Variants in DRD3 observed in about 807,000 individuals in gnomAD.
The protein encoded by DRD3 is dopamine receptor D3.
A neutral mutation model predicts 36.3 loss-of-function variants in DRD3; 19 were observed. The observed-to-expected ratio is 0.52, with a 90% CI of 0.36 to 0.77. DRD3 has a LOEUF of 0.77. Among genes scored for constraint, DRD3 ranks in the 30% least tolerant of loss-of-function variants. The pLI is 0.00. For synonymous variants in DRD3, 195 were observed against 203.7 expected (o/e 0.96, Z 0.36); for missense variants, 465 against 505.3 (o/e 0.92, Z 0.77).
intron 4 of DRD3, among the ~76,000 whole-genome samples, chr3:114,143,655 T>C (rs913038746): frequency 6.6e-6 from 1 of 152,208 alleles, no homozygotes; most frequent in Admixed American, 6.5e-5. Context: ...CTTCTACTAT[T>C]CTCTTAACTT....
chr3:114,129,895 T>C (rs1353716291), intron 6 of DRD3, among the ~76,000 whole-genome samples: 6 of 152,092 alleles, frequency 3.9e-5, no homozygotes, highest in African/African-American at 1.4e-4. Context: ...TTGTCTTTAC[T>C]AAAAATACAA....
intron 4 of DRD3, among the ~76,000 whole-genome samples, chr3:114,146,925 T>C (rs1416298557): frequency 6.6e-6 from 1 of 152,024 alleles, no homozygotes; most frequent in Non-Finnish European, 1.5e-5. Flanking sequence ...AAATATACTC[T>C]CCAGGAATTT....
chr3:114,135,761 C>T (rs2077469489), intron 5 of DRD3, among the ~76,000 whole-genome samples: 1 of 152,048 alleles, frequency 6.6e-6, no homozygotes. Context: ...GAAATCTCTG[C>T]TCACTGCAAC....
chr3:114,172,010 G>T lies in DRD3; in HGVS notation c.-18C>A. 7.0e-7 allele frequency: 1 copy of T among 1,421,788 alleles called. No individual in the cohort carries two copies. The highest frequency in any genetic ancestry group is 3.0e-5 in the Admixed American group (1 of 33,140). 88.1% of individuals were successfully genotyped at this position (1,421,788 alleles called of 1,614,324 possible). On this transcript the variant is annotated 5_prime_UTR_variant, in exon 2 of 7. Coordinates refer to ENST00000383673, the MANE Select transcript of DRD3 (RefSeq NM_000796.6). ...GATGCCATAGCCCAGAGGGAGGTGCGTGATGCCAAGGGGCTTCCTGTGAGG... is the reference window on the plus strand; with the variant it reads ...GATGCCATAGCCCAGAGGGAGGTGCTTGATGCCAAGGGGCTTCCTGTGAGG...
chr3:114,172,039 C>G lies in DRD3; in HGVS notation c.-35-12G>C. The G allele has an allele frequency of 1.5e-6, 2 of 1,377,696 alleles. No homozygotes were observed. The highest frequency in any genetic ancestry group is 1.9e-5 in the South Asian group (1 of 53,682). The allele number at this position is 1,377,696 out of a possible 1,614,324, so 85.3% of individuals were successfully genotyped here. A position where few individuals can be genotyped will look rare whatever the true frequency, so the allele number is the denominator to read the frequency against. ...TGCCAAGGGGCTTCCTGTGAGGAGA[C>G]AGAAAACAATATTAATAAAATCAGA... On this transcript the variant is annotated splice_polypyrimidine_tract_variant and intron_variant, in intron 1 of 6. Coordinates refer to ENST00000383673, the MANE Select transcript of DRD3 (RefSeq NM_000796.6).
At chr3:114,189,229 G>A (rs762559519) in intron 1 of DRD3, among the ~76,000 whole-genome samples, 2 of 152,000 alleles carry the variant, frequency 1.3e-5, no homozygotes, top group African/African-American at 4.8e-5. Context: ...ATTAATATCA[G>A]TGCAATATAT....
intron 4 of DRD3, among the ~76,000 whole-genome samples, chr3:114,146,113 T>C (rs2077567587): frequency 6.6e-6 from 1 of 152,230 alleles, no homozygotes; most frequent in African/African-American, 2.4e-5. Context: ...ATATTTTGAT[T>C]TCTAAATCAT....
At chr3:114,128,947 G>A (rs780764376) in intron 6 of DRD3, 35 bp from the exon 7 acceptor site, 3 of 1,521,992 alleles carry the variant, frequency 2.0e-6, no homozygotes, top group African/African-American at 1.4e-5. Flanking sequence ...CTGGGTAAGG[G>A]ATTTGCTTAC....
intron 1 of DRD3, among the ~76,000 whole-genome samples, chr3:114,194,633 G>A (rs1304895767): frequency 6.6e-6 from 1 of 152,150 alleles, no homozygotes; most frequent in African/African-American, 2.4e-5. Flanking sequence ...AAGATGTGTT[G>A]AGCATGCCGA....
At chr3:114,133,621 A>T (rs55964413) in intron 5 of DRD3, among the ~76,000 whole-genome samples, 3 of 141,218 alleles carry the variant, frequency 2.1e-5, no homozygotes, top group Admixed American at 7.1e-5. Context: ...TTTGTAAAAC[A>T]GAAAAGAAAT....
At chr3:114,162,087 C>T (rs1287234085) in intron 2 of DRD3, among the ~76,000 whole-genome samples, 1 of 152,142 alleles carries the variant, frequency 6.6e-6, no homozygotes, top group Non-Finnish European at 1.5e-5. Context: ...CAGTGTATGT[C>T]ATGTGTGTTG....
At chr3:114,160,913 A>G (rs377346018) in intron 2 of DRD3, among the ~76,000 whole-genome samples, 37 of 152,340 alleles carry the variant, frequency 2.4e-4, no homozygotes, top group African/African-American at 8.7e-4. Flanking sequence ...TTCAAGCTCC[A>G]TAACATCCTC....
At chr3:114,168,409 A>C (rs1410076214) in intron 2 of DRD3, among the ~76,000 whole-genome samples, 6 of 152,166 alleles carry the variant, frequency 3.9e-5, no homozygotes, top group Non-Finnish European at 8.8e-5. Context: ...CCACCCCTAC[A>C]TCTTTTATAA....
chr3:114,139,799 C>T, intron 4 of DRD3, 103 bp from the exon 5 acceptor site: 1 of 1,088,718 alleles, frequency 9.2e-7, no homozygotes, highest in Non-Finnish European at 1.3e-6. Context: ...GCACTTTCTG[C>T]TGCACAGGGG....
At chr3:114,190,444 ATATATATATATATATATATTT>A (rs2078002236) in intron 1 of DRD3, among the ~76,000 whole-genome samples, 1 of 11,912 alleles carries the variant, frequency 8.4e-5, no homozygotes, top group African/African-American at 4.6e-4. Flanking sequence ...ATATATATAT[ATATATATATATATATATATTT>A]TTTTTTTTTT....
intron 2 of DRD3, 22 bp from the exon 3 acceptor site, chr3:114,159,889 G>A (rs1369425446): frequency 6.2e-7 from 1 of 1,607,914 alleles, no homozygotes. Context: ...AGACAAGGAT[G>A]TTAGTGTTTA....
chr3:114,175,434 G>A (rs1415133727), intron 1 of DRD3, among the ~76,000 whole-genome samples: 1 of 152,042 alleles, frequency 6.6e-6, no homozygotes. Flanking sequence ...ATGATGACAT[G>A]CTTAAACATT....
intron 2 of DRD3, among the ~76,000 whole-genome samples, chr3:114,163,710 C>G (rs1447518937): frequency 6.6e-6 from 1 of 152,016 alleles, no homozygotes; most frequent in African/African-American, 2.4e-5. Context: ...TTTGCTTGGG[C>G]GGGTGTATTG....
Position 114,147,407 on chromosome 3 carries a change from A to G in DRD3, c.526+8T>C, listed in dbSNP as rs200015705. On this transcript the variant is annotated splice_region_variant and intron_variant, in intron 4 of 6. Transcript: ENST00000383673. ...CATGGATGCTAGAAATGAAGCCATC[A>G]CTGTTACCTGTGGTATTAAAGCCAA... 1.9e-6 allele frequency: 3 copies of G among 1,609,240 alleles called. No homozygotes were observed. Among genetic ancestry groups the G allele is most frequent in the Non-Finnish European group, 1.7e-6 (2 of 1,176,086 alleles).
Sources: gnomAD v4.1 joint callset for allele counts (sites outside exome capture counted in the v4.1 genomes callset) on GRCh38, gnomAD v4.1.1 for gene constraint, MANE v1.5 for transcripts, NCBI Gene and HGNC (gene_info 2026-07-23, HGNC 2026-07-21) for gene names.